Variants in SPATA19 observed in about 807,000 individuals in gnomAD.
SPATA19 encodes spermatogenesis associated 19, also known as spermatogenesis-associated protein 19, mitochondrial.
Under a neutral mutation model 25.0 loss-of-function variants are expected in SPATA19, and 19 were observed. The observed-to-expected ratio is 0.76, with a 90% CI of 0.53 to 1.11. The LOEUF is 1.11. SPATA19 is among the 50% of genes most tolerant of loss of function. The pLI is 0.00. For missense variants in SPATA19, 222 were observed against 211.4 expected, an observed-to-expected ratio of 1.05 and a Z score of -0.31; for synonymous variants, 64 against 69.3, an observed-to-expected ratio of 0.92 and a Z score of 0.38.
At chr11:133,840,146 T>C (rs981863601), downstream of SPATA19, among the ~76,000 whole-genome samples, 4 of 152,056 alleles carry the variant, frequency 2.6e-5, no homozygotes, top group Non-Finnish European at 5.9e-5. Context: ...TGGAGTAAAA[T>C]ATTTAAGTGT....
At chr11:133,839,676 G>T (rs1037891518), downstream of SPATA19, among the ~76,000 whole-genome samples, 1 of 151,734 alleles carries the variant, frequency 6.6e-6, no homozygotes, top group African/African-American at 2.4e-5. Context: ...AACTTAAAGT[G>T]TAATAATAAT....
chr11:133,836,901 C>T (rs118050303), downstream of SPATA19, among the ~76,000 whole-genome samples: 4,322 of 152,310 alleles, frequency 0.028, 88 homozygotes, highest in Middle Eastern at 0.085. Context: ...TAGCACTCTC[C>T]AGTCACCAAA....
chr11:133,839,544 G>A (rs532844411), downstream of SPATA19, among the ~76,000 whole-genome samples: 7 of 147,068 alleles, frequency 4.8e-5, no homozygotes, highest in South Asian at 6.8e-4. Context: ...GGTAGGGGAG[G>A]GGGGAGGGAT....
intron 4 of SPATA19, among the ~76,000 whole-genome samples, chr11:133,843,329 TCAA>T (rs1938351525): frequency 6.6e-6 from 1 of 152,146 alleles, no homozygotes; most frequent in South Asian, 2.1e-4. Context: ...TGGATTATAA[TCAA>T]CAACATTTAT....
chr11:133,845,243 T>TGGC, intron 1 of SPATA19, 53 bp from the exon 2 acceptor site: 3 of 1,555,064 alleles, frequency 1.9e-6, no homozygotes, highest in East Asian at 2.3e-5. Context: ...ATTCAGCTCT[T>TGGC]CCCACCCAGC....
rs1447118502 is a variant in SPATA19 at position 133,844,631 on chromosome 11, C to A, written c.145G>T (p.Glu49Ter). The change falls in exon 3 of 7, where the codon GAG becomes TAG. Residue 49 changes from glutamate (E) to a stop codon, truncating the protein, a stop_gained. Transcript: ENST00000299140. LOFTEE classifies it high-confidence loss of function. ...LHHWLKKTEEEASRGIKEKLS... is the reference protein window; with the variant it reads ...LHHWLKKTEE ...TTTTCCTTTATGCCCCGAGAAGCCTCTTCTTCTGTCTGAAAGGTGAGAAAT... is the reference window on the plus strand; with the variant it reads ...TTTTCCTTTATGCCCCGAGAAGCCTATTCTTCTGTCTGAAAGGTGAGAAAT... 2 of 1,603,676 alleles carry A rather than the reference C, an allele frequency of 1.2e-6. No homozygotes were observed. The highest frequency in any genetic ancestry group is 1.7e-6 in the Non-Finnish European group (2 of 1,174,942).
intron 6 of SPATA19, among the ~76,000 whole-genome samples, 194 bp from the exon 7 acceptor site, chr11:133,841,117 A>G (rs1938297825): frequency 6.6e-6 from 1 of 152,132 alleles, no homozygotes; most frequent in Admixed American, 6.5e-5. Flanking sequence ...CACCCCCAAG[A>G]CAACCCTCCA....
intron 5 of SPATA19, 135 bp downstream of exon 5, chr11:133,842,350 G>T: frequency 1.3e-6 from 1 of 795,408 alleles, no homozygotes. Context: ...GCAGCCCTGG[G>T]AACTGTGTGT....
chr11:133,839,263 A>G (rs1938261389), downstream of SPATA19, among the ~76,000 whole-genome samples: 1 of 152,212 alleles, frequency 6.6e-6, no homozygotes, highest in Admixed American at 6.5e-5. Context: ...TCACAATAGC[A>G]AAGACTTGCA....
At chr11:133,836,267 C>T (rs2121168397), downstream of SPATA19, among the ~76,000 whole-genome samples, 1 of 152,286 alleles carries the variant, frequency 6.6e-6, no homozygotes, top group Non-Finnish European at 1.5e-5. Context: ...GCCTGGTTAC[C>T]TCCTACTCAT....
chr11:133,844,477 A>G (rs770508434), intron 3 of SPATA19, 32 bp downstream of exon 3: 1 of 1,613,552 alleles, frequency 6.2e-7, no homozygotes, highest in South Asian at 1.1e-5. Context: ...CCTCACCGCT[A>G]CTCCCAGGCA....
In SPATA19 at chr11:133,844,619, C is replaced by T. The variant is rs771540154; in HGVS notation, c.157G>A (p.Gly53Ser). Residue 53 changes from glycine to serine, a missense_variant, in exon 3 of 7, where the codon GGC becomes AGC. Gly to Ser is a moderately conservative substitution (Grantham distance 56). Transcript: ENST00000299140. The stretch of plus-strand genomic sequence containing the variant: ...TTGATGGACAGCTTTTCCTTTATGC[C>T]CCGAGAAGCCTCTTCTTCTGTCTGA... The part of the protein sequence containing the change: ...LKKTEEEASR[G>S]IKEKLSINHP... 6 of 1,610,170 alleles carry T rather than the reference C, an allele frequency of 3.7e-6. No homozygotes were observed. Among genetic ancestry groups the T allele is most frequent in the Non-Finnish European group, 5.1e-6 (6 of 1,178,172 alleles).
Position 133,842,512 on chromosome 11 carries a change from C to T in SPATA19, c.410G>A (p.Arg137Gln), listed in dbSNP as rs1450673957. Residue 137 changes from arginine (R) to glutamine (Q), a missense_variant, in exon 5 of 7, where the codon CGA becomes CAA. Arg to Gln is a conservative substitution (Grantham distance 43, BLOSUM62 1). Coordinates refer to ENST00000299140, the MANE Select transcript of SPATA19 (RefSeq NM_174927.3). ...VPSEMTEDIMRDRIEQVRRSI... is the reference protein window; with the variant it reads ...VPSEMTEDIMQDRIEQVRRSI... ...TCGTCTCACCTGCTCTATTCGATCT[C>T]GCATGATGTCCTCTGTCATCTCACT... 3.1e-6 allele frequency: 5 copies of T among 1,613,944 alleles called. No individual in the cohort carries two copies. In the African/African-American group the frequency reaches 5.3e-5, roughly 17 times the overall value.
At chr11:133,836,983 C>T (rs1435966150), downstream of SPATA19, among the ~76,000 whole-genome samples, 1 of 152,142 alleles carries the variant, frequency 6.6e-6, no homozygotes, top group African/African-American at 2.4e-5. Flanking sequence ...AATATCTATG[C>T]CAAAGCCTGC....
downstream of SPATA19, among the ~76,000 whole-genome samples, chr11:133,837,367 A>AAATTT (rs1938230854): frequency 6.6e-6 from 1 of 152,222 alleles, no homozygotes; most frequent in Non-Finnish European, 1.5e-5. Flanking sequence ...CCTAAACTGT[A>AAATTT]ACTGACAAAT....
In SPATA19 at chr11:133,844,354, G is replaced by A; in HGVS notation, c.268-17C>T. On this transcript the variant is annotated splice_polypyrimidine_tract_variant and intron_variant, in intron 3 of 6. Coordinates refer to ENST00000299140, the MANE Select transcript of SPATA19 (RefSeq NM_174927.3). ...GTGCTTCACCTGGGAAATCCAGAGG[G>A]TCCATGTGATTCCTGCCCAGTGTGG... 2 of 1,613,532 alleles carry A rather than the reference G, an allele frequency of 1.2e-6. No individual in the cohort carries two copies. The highest frequency in any genetic ancestry group is 1.7e-5 in the Admixed American group (1 of 60,024).
chr11:133,836,461 C>T (rs987150673), downstream of SPATA19, among the ~76,000 whole-genome samples: 2 of 152,198 alleles, frequency 1.3e-5, no homozygotes, highest in East Asian at 1.9e-4. Flanking sequence ...CAACAACAAC[C>T]GAATTGATCC....
chr11:133,845,033 G>A (rs1938390080), intron 2 of SPATA19, 101 bp downstream of exon 2: 1 of 1,001,428 alleles, frequency 1.0e-6, no homozygotes. Flanking sequence ...CAATGAACTT[G>A]AGTTCCAGTT....
intron 2 of SPATA19, 23 bp from the exon 3 acceptor site, chr11:133,844,663 T>A: frequency 6.4e-7 from 1 of 1,572,256 alleles, no homozygotes; most frequent in Non-Finnish European, 8.6e-7. Flanking sequence ...AAATTCCCTC[T>A]GAAAATGTCA....
Sources: allele counts gnomAD v4.1 joint callset (sites outside exome capture counted in the v4.1 genomes callset), GRCh38; gene constraint gnomAD v4.1.1; transcripts MANE v1.5; gene names NCBI Gene and HGNC (gene_info 2026-07-23, HGNC 2026-07-21).